The following TNK2 variants were observed in gnomAD, a reference collection of about 807,000 sequenced individuals.
TNK2 encodes the protein tyrosine kinase non receptor 2.
A neutral mutation model predicts 101.8 loss-of-function variants in TNK2; 83 were observed. The observed-to-expected ratio is 0.82, with a 90% confidence interval of 0.68 to 0.98. TNK2 has a LOEUF of 0.98. TNK2 is among the 50% of genes least tolerant of loss of function. The pLI is 0.00. For missense variants in TNK2, 1,665 were observed against 1,483.2 expected (o/e 1.12, Z -2.01); for synonymous variants, 804 against 633.0 (o/e 1.27, Z -4.06).
chr3:195,902,347 G>T (rs1292499337), intron 1 of TNK2, among the ~76,000 whole-genome samples: 1 of 152,176 alleles, frequency 6.6e-6, no homozygotes, highest in Admixed American at 6.5e-5. Flanking sequence ...GCCGGGCGCG[G>T]GGGCTCACGC....
At chr3:195,870,457 A>C in intron 10 of TNK2, 1 of 1,296,968 alleles carries the variant, frequency 7.7e-7, no homozygotes, top group Non-Finnish European at 1.0e-6. Flanking sequence ...TACACCCTAC[A>C]AGGGCAGAGG....
At chr3:195,902,504 G>A (rs543643734) in intron 1 of TNK2, among the ~76,000 whole-genome samples, 20 of 151,682 alleles carry the variant, frequency 1.3e-4, no homozygotes, top group Admixed American at 2.6e-4. Context: ...TGTAACCCCA[G>A]CTACTCAGGA....
At position 195,868,419 on chromosome 3, in the gene TNK2, G is replaced by A. The variant is rs1352811113; in HGVS notation, c.1879C>T (p.Leu627=). 6.4e-7 allele frequency: 1 copy of A among 1,573,528 alleles called. No individual in the cohort carries two copies. The highest frequency in any genetic ancestry group is 2.3e-5 in the East Asian group (1 of 44,352). The change falls in exon 13 of 16, where the codon CTG becomes TTG. Residue 627 remains leucine (L), a synonymous_variant. Coordinates refer to ENST00000672887, the MANE Select transcript of TNK2 (RefSeq NM_001382273.1). ...ETPPQSPTRA[L]PRPLHPTPVV... Reference sequence around the variant, plus strand: ...GGCGTGGGGTGCAGGGGCCGGGGCAGTGCCCGCGTGGGGCTCTGAGGCGGG... The same window carrying A: ...GGCGTGGGGTGCAGGGGCCGGGGCAATGCCCGCGTGGGGCTCTGAGGCGGG...
intron 6 of TNK2, among the ~76,000 whole-genome samples, chr3:195,879,960 C>T (rs967663939): frequency 1.3e-5 from 2 of 152,168 alleles, no homozygotes; most frequent in Admixed American, 1.3e-4. Context: ...CTCTAAATTA[C>T]TCCAGGACAA....
Position 195,885,398 on chromosome 3 carries a change from G to C in TNK2, c.235-365C>G, listed in dbSNP as rs1055255773. On this transcript the variant is annotated intron_variant, in intron 3 of 15. Transcript: ENST00000672887. The surrounding 1 kb of genome is among the most constrained non-coding windows in gnomAD (Gnocchi z 4.7). ...CCCTTCCTGCACCCGCCACCCCGCA[G>C]ACTCCAGCCCTAACCCGCATCGATG... The C allele has an allele frequency of 7.5e-7, 1 of 1,341,852 alleles. No homozygotes were observed. The highest frequency in any genetic ancestry group is 9.8e-7 in the Non-Finnish European group (1 of 1,023,180). The allele number at this position is 1,341,852 out of a possible 1,614,324, so 83.1% of individuals were successfully genotyped here.
chr3:195,878,261 G>T lies in TNK2; in HGVS notation c.1248C>A (p.Ile416=), dbSNP rs779914749. The change falls in exon 9 of 16, where the codon ATC becomes ATA. Residue 416 remains isoleucine (I), a synonymous_variant. Transcript: ENST00000672887. This position sits in a 1 kb window ranked among gnomAD's most constrained non-coding sequence, Gnocchi z 4.7. Reference sequence around the variant, plus strand: ...AGCCCTGCACTCCCTACCTTCCCTCGATGACGGTGATGACATCATTCATCT... The same window carrying T: ...AGCCCTGCACTCCCTACCTTCCCTCTATGACGGTGATGACATCATTCATCT... ...HIQMNDVITV[I]EGRAENYWWR... The T allele has an allele frequency of 3.1e-6, 5 of 1,613,698 alleles. No individual in the cohort carries two copies. The East Asian group carries it at 1.1e-4, about 36-fold the overall frequency.
In TNK2 at chr3:195,885,978, A is replaced by G. The variant is rs1577079790; in HGVS notation, c.235-945T>C. 5.4e-6 allele frequency: 1 copy of G among 185,994 alleles called. No homozygotes were observed. Among genetic ancestry groups the G allele is most frequent in the Non-Finnish European group, 1.1e-5 (1 of 88,942 alleles). 11.5% of individuals were successfully genotyped at this position (185,994 alleles called of 1,614,324 possible). A position where few individuals can be genotyped will look rare whatever the true frequency, so the allele number is the denominator to read the frequency against. On this transcript the variant is annotated intron_variant, in intron 3 of 15. Transcript: ENST00000672887. The surrounding 1 kb of genome is among the most constrained non-coding windows in gnomAD (Gnocchi z 4.7). ...GTAACTAGAATTCCTTATGTTTGCAAGCAATGTTCAGGTTACAAGACCCTC... is the reference window on the plus strand; with the variant it reads ...GTAACTAGAATTCCTTATGTTTGCAGGCAATGTTCAGGTTACAAGACCCTC...
intron 10 of TNK2, among the ~76,000 whole-genome samples, chr3:195,870,789 G>A (rs1744587798): frequency 6.6e-6 from 1 of 152,274 alleles, no homozygotes; most frequent in African/African-American, 2.4e-5. Context: ...GAGGGCACCA[G>A]CCTCTCCTGG....
intron 9 of TNK2, chr3:195,876,441 C>T (rs1749325326): frequency 2.2e-6 from 1 of 456,704 alleles, no homozygotes; most frequent in Non-Finnish European, 4.4e-6. Context: ...CCCAAAGACT[C>T]ACACAGAGCC....
chr3:195,888,474 C>T lies in TNK2; in HGVS notation c.115G>A (p.Glu39Lys). The change falls in exon 2 of 16, where the codon GAG (glutamate) becomes AAG (lysine). Residue 39 changes from glutamate to lysine, a missense_variant. Transcript: ENST00000672887. This position sits in a 1 kb window ranked among gnomAD's most constrained non-coding sequence, Gnocchi z 5.3. ...DLNVTRLSHF[E>K]YVKNEDLEKI... The stretch of plus-strand genomic sequence containing the variant: ...TCCAGGTCCTCATTCTTGACGTACT[C>T]AAAGTGGGACAGGCGGGTGACGTTG... The T allele has an allele frequency of 6.2e-7, 1 of 1,614,082 alleles. No individual in the cohort carries two copies. The highest frequency in any genetic ancestry group is 8.5e-7 in the Non-Finnish European group (1 of 1,180,006).
At chr3:195,889,981 A>G (rs112112461) in intron 1 of TNK2, among the ~76,000 whole-genome samples, 7 of 152,338 alleles carry the variant, frequency 4.6e-5, no homozygotes, top group African/African-American at 1.7e-4. Flanking sequence ...AAGCAGGCAC[A>G]CACAGCCTGG....
chr3:195,876,514 G>A (rs751301028), intron 9 of TNK2: 47 of 456,702 alleles, frequency 1.0e-4, no homozygotes, highest in Admixed American at 7.8e-4. Flanking sequence ...AGGGACTGAA[G>A]AAACAAGGGG....
chr3:195,907,613 C>A (rs576227465), intron 1 of TNK2, among the ~76,000 whole-genome samples: 1 of 152,206 alleles, frequency 6.6e-6, no homozygotes, highest in Non-Finnish European at 1.5e-5. Flanking sequence ...CCTGGGGGCA[C>A]GAGGCGGAAT....
intron 15 of TNK2, 56 bp downstream of exon 15, chr3:195,866,833 G>A (rs1032697041): frequency 8.2e-6 from 13 of 1,578,998 alleles, no homozygotes; most frequent in Admixed American, 3.6e-5. Context: ...AGTGTGGCAG[G>A]CTCTGGGACA....
chr3:195,871,124 G>A (rs1490129349), intron 10 of TNK2, among the ~76,000 whole-genome samples: 2 of 151,854 alleles, frequency 1.3e-5, no homozygotes, highest in Non-Finnish European at 2.9e-5. Flanking sequence ...CAGGAGAAGG[G>A]CTGCAGAGGC....
At chr3:195,883,550 G>A (rs140979568) in intron 4 of TNK2, 32 of 515,398 alleles carry the variant, frequency 6.2e-5, no homozygotes, top group African/African-American at 4.4e-4. Flanking sequence ...GGGGAATGCC[G>A]GGCTTAAATA....
Position 195,888,675 on chromosome 3 carries a change from G to A in TNK2, c.-18-69C>T. ...CAACAGGGGCCTGCCCGAGTGACCT[G>A]GGCTCACCTTCATCCCACTACACGG... On this transcript the variant is annotated intron_variant, in intron 1 of 15. Transcript: ENST00000672887. This position sits in a 1 kb window ranked among gnomAD's most constrained non-coding sequence, Gnocchi z 5.3. 1 of 1,441,420 alleles carries A rather than the reference G, an allele frequency of 6.9e-7. No individual in the cohort carries two copies. Among genetic ancestry groups the A allele is most frequent in the Admixed American group, 2.1e-5 (1 of 47,620 alleles). 89.3% of individuals were successfully genotyped at this position (1,441,420 alleles called of 1,614,324 possible).
chr3:195,887,503 T>C (rs1756223345), intron 2 of TNK2, among the ~76,000 whole-genome samples: 1 of 152,256 alleles, frequency 6.6e-6, no homozygotes, highest in Non-Finnish European at 1.5e-5. Context: ...TATTTAGCTA[T>C]TTTAACTAAG....
chr3:195,882,969 C>A lies in TNK2; in HGVS notation c.609+188G>T, dbSNP rs1215772971. 6.6e-6 allele frequency among the ~76,000 whole-genome samples: 1 copy of A among 152,122 alleles called. No homozygotes were observed. The highest frequency in any genetic ancestry group is 1.5e-5 in the Non-Finnish European group (1 of 68,014). On this transcript the variant is annotated intron_variant, in intron 5 of 15. Transcript: ENST00000672887. The surrounding 1 kb of genome is among the most constrained non-coding windows in gnomAD (Gnocchi z 4.2). ...GCACCAGCAAAATCCAGAGACAGACCCGGACTGGACCGCAGCAGACACAGC... is the reference window on the plus strand; with the variant it reads ...GCACCAGCAAAATCCAGAGACAGACACGGACTGGACCGCAGCAGACACAGC...
Sources: gnomAD v4.1 joint callset for allele counts (sites outside exome capture counted in the v4.1 genomes callset) on GRCh38, gnomAD v4.1.1 for gene constraint, Gnocchi (gnomAD v3.1) non-coding constraint, MANE v1.5 for transcripts, NCBI Gene and HGNC (gene_info 2026-07-23, HGNC 2026-07-21) for gene names.